DPP10: variants seen among roughly 807,000 people sequenced by gnomAD.
DPP10 encodes the protein inactive dipeptidyl peptidase 10.
Under a neutral mutation model 120.9 loss-of-function variants are expected in DPP10, and 33 were observed. That is an observed-to-expected ratio of 0.27 (90% CI 0.21 to 0.37). DPP10 has a LOEUF of 0.37. Ranked by LOEUF, DPP10 falls within the 10% of genes least tolerant of loss-of-function variation. The pLI is 1.00. For missense variants in DPP10, 816 were observed against 942.8 expected (o/e 0.87, Z 1.76); for synonymous variants, 337 against 326.1 (o/e 1.03, Z -0.36).
At chr2:115,121,134 T>C (rs927719114) in intron 1 of DPP10, among the ~76,000 whole-genome samples, 1 of 152,148 alleles carries the variant, frequency 6.6e-6, no homozygotes, top group Non-Finnish European at 1.5e-5. Flanking sequence ...CCAGGAGAAA[T>C]AGGGCTACTA....
chr2:115,727,356 A>G (rs2092790483), intron 7 of DPP10, among the ~76,000 whole-genome samples: 1 of 152,158 alleles, frequency 6.6e-6, no homozygotes, highest in African/African-American at 2.4e-5. Context: ...AGAATCAGAG[A>G]GATTATCTAG....
intron 17 of DPP10, among the ~76,000 whole-genome samples, chr2:115,790,257 T>G (rs926783313): frequency 1.2e-4 from 18 of 151,556 alleles, no homozygotes; most frequent in Admixed American, 2.0e-4. Flanking sequence ...TTTTTTGTAT[T>G]TTTAGTAGAG....
intron 3 of DPP10, among the ~76,000 whole-genome samples, chr2:115,367,961 C>T (rs1462443421): frequency 6.6e-6 from 1 of 152,076 alleles, no homozygotes; most frequent in Non-Finnish European, 1.5e-5. Flanking sequence ...TGTCCTAGTT[C>T]TGCCTTCCTC....
chr2:114,557,000 C>CTTT (rs59230198), intron 1 of DPP10, among the ~76,000 whole-genome samples: 3 of 138,746 alleles, frequency 2.2e-5, no homozygotes, highest in African/African-American at 8.1e-5. Context: ...GCAAAGACAG[C>CTTT]TTTTTTTTTT....
intron 4 of DPP10, among the ~76,000 whole-genome samples, chr2:115,499,807 C>A (rs2076591246): frequency 6.6e-6 from 1 of 151,922 alleles, no homozygotes; most frequent in African/African-American, 2.4e-5. Context: ...CCCGTTTACT[C>A]TTGTTAATAA....
intron 5 of DPP10, among the ~76,000 whole-genome samples, chr2:115,661,488 T>C (rs7589670): frequency 0.14 from 20,758 of 152,202 alleles, 1,569 homozygotes; most frequent in Non-Finnish European, 0.16. Context: ...GGATATTTTG[T>C]TTTCGCTGGC....
intron 1 of DPP10, among the ~76,000 whole-genome samples, chr2:114,516,426 G>C (rs1028508478): frequency 1.3e-5 from 2 of 152,150 alleles, no homozygotes; most frequent in Non-Finnish European, 2.9e-5. Context: ...GCTGTTTTCT[G>C]TTTTAGCTAC....
At chr2:115,020,281 G>A (rs368550263) in intron 1 of DPP10, among the ~76,000 whole-genome samples, 1 of 152,032 alleles carries the variant, frequency 6.6e-6, no homozygotes, top group East Asian at 1.9e-4. Context: ...AACACATAAG[G>A]ACTCACATAA....
At chr2:115,183,337 G>C (rs2054209880) in intron 1 of DPP10, among the ~76,000 whole-genome samples, 2 of 152,076 alleles carry the variant, frequency 1.3e-5, no homozygotes, top group Admixed American at 6.5e-5. Flanking sequence ...TGGGAATAAA[G>C]CCACGTGTGC....
At chr2:114,731,785 T>C (rs530782063) in intron 1 of DPP10, among the ~76,000 whole-genome samples, 9 of 152,214 alleles carry the variant, frequency 5.9e-5, no homozygotes, top group Admixed American at 5.9e-4. Flanking sequence ...GAGAAGGTTG[T>C]GGGGACACCA....
Position 115,218,132 on chromosome 2 carries a change from A to G in DPP10, c.61-91107A>G, listed in dbSNP as rs193202708. On this transcript the variant is annotated intron_variant, in intron 1 of 25. Transcript: ENST00000410059. The stretch of plus-strand genomic sequence containing the variant: ...TGTTAAGCTGAACTGAATATTGTAT[A>G]TAGACTGTACATTCTCAATACAGTT... Among the ~76,000 whole-genome samples the G allele has an allele frequency of 2.7e-4, 41 of 152,310 alleles. No homozygotes were observed. The East Asian group carries it at 3.5e-3, about 13-fold the overall frequency.
intron 21 of DPP10, among the ~76,000 whole-genome samples, chr2:115,821,768 GT>G (rs1432679916): frequency 6.6e-6 from 1 of 151,616 alleles, no homozygotes; most frequent in Non-Finnish European, 1.5e-5. Context: ...AAAATAATTT[GT>G]TTATCCATTC....
At chr2:115,544,848 G>A (rs2079402972) in intron 5 of DPP10, among the ~76,000 whole-genome samples, 1 of 152,006 alleles carries the variant, frequency 6.6e-6, no homozygotes, top group Admixed American at 6.6e-5. Context: ...ATAGTTGGAG[G>A]ATGTTTCCTT....
At chr2:114,601,231 G>T (rs1347502) in intron 1 of DPP10, among the ~76,000 whole-genome samples, 1 of 151,684 alleles carries the variant, frequency 6.6e-6, no homozygotes, top group Non-Finnish European at 1.5e-5. Flanking sequence ...TTAGAGACTG[G>T]TTAGTGTATT....
chr2:115,785,823 T>A lies in DPP10; in HGVS notation c.1531+3424T>A, dbSNP rs762841836. Among the ~76,000 whole-genome samples, 11 of 146,340 alleles carry A rather than the reference T, an allele frequency of 7.5e-5. No individual in the cohort carries two copies. The Middle Eastern group carries it at 0.01, about 138-fold the overall frequency. On this transcript the variant is annotated intron_variant, in intron 17 of 25. Coordinates refer to ENST00000410059, the MANE Select transcript of DPP10 (RefSeq NM_020868.6). ...TTTTTCACGTATTCATTTCATTCAGTTCAGCTCTGATGTGGGTTTTTTTTT... is the reference window on the plus strand; with the variant it reads ...TTTTTCACGTATTCATTTCATTCAGATCAGCTCTGATGTGGGTTTTTTTTT...
chr2:115,117,870 G>T (rs1428555786), intron 1 of DPP10, among the ~76,000 whole-genome samples: 1 of 152,118 alleles, frequency 6.6e-6, no homozygotes, highest in Admixed American at 6.6e-5. Flanking sequence ...TATGTGTATT[G>T]ATTGCCTCAG....
intron 21 of DPP10, 62 bp from the exon 22 acceptor site, chr2:115,836,095 G>A (rs1220611055): frequency 3.8e-6 from 3 of 783,446 alleles, no homozygotes; most frequent in Admixed American, 1.2e-4. Flanking sequence ...ATTTGTGTGT[G>A]TGTATGTGTG....
chr2:115,133,714 T>C (rs2050503527), intron 1 of DPP10, among the ~76,000 whole-genome samples: 1 of 152,176 alleles, frequency 6.6e-6, no homozygotes, highest in Admixed American at 6.6e-5. Flanking sequence ...CGAGCTGTTT[T>C]CATTATAACA....
At chr2:114,444,558 CACAA>C (rs3061531) in intron 1 of DPP10, among the ~76,000 whole-genome samples, 14,948 of 142,498 alleles carry the variant, frequency 0.1, 872 homozygotes, top group Admixed American at 0.16. Context: ...ATTGGCTGCC[CACAA>C]ACAAACTGTG....
Sources: allele counts gnomAD v4.1 joint callset (sites outside exome capture counted in the v4.1 genomes callset), GRCh38; gene constraint gnomAD v4.1.1; transcripts MANE v1.5; gene names NCBI Gene and HGNC (gene_info 2026-07-23, HGNC 2026-07-21).